The following RPRD1A variants were observed in gnomAD, a reference collection of about 807,000 sequenced individuals.
The protein encoded by RPRD1A is regulation of nuclear pre-mRNA domain containing 1A, also known as regulation of nuclear pre-mRNA domain-containing protein 1A.
A neutral mutation model predicts 37.8 loss-of-function variants in RPRD1A; 9 were observed. That is an observed-to-expected ratio of 0.24 (90% confidence interval 0.14 to 0.42). The LOEUF (loss-of-function observed/expected upper bound fraction) is 0.42, where lower values mean the gene tolerates loss of function less well. Among genes scored for constraint, RPRD1A ranks in the 10% least tolerant of loss-of-function variants. The probability of loss-of-function intolerance (pLI) is 1.00; values close to 1 mark genes in which losing one functional copy is unlikely to be tolerated. For synonymous variants in RPRD1A, 138 were observed against 139.7 expected (o/e 0.99, Z 0.08); for missense variants, 255 against 371.0 (o/e 0.69, Z 2.57).
chr18:36,055,835 T>C (rs1199798073), intron 1 of RPRD1A, among the ~76,000 whole-genome samples: 1 of 152,018 alleles, frequency 6.6e-6, no homozygotes, highest in African/African-American at 2.4e-5. Context: ...AGTATAACAG[T>C]GCAACATGAG....
At chr18:35,998,892 T>C (rs187084908) in intron 6 of RPRD1A, among the ~76,000 whole-genome samples, 69 of 152,322 alleles carry the variant, frequency 4.5e-4, no homozygotes, top group Non-Finnish European at 8.7e-4. Context: ...GAGGTGTGAC[T>C]TGCCTTGTGT....
At chr18:36,044,159 G>C (rs1038588560) in intron 1 of RPRD1A, among the ~76,000 whole-genome samples, 8 of 152,110 alleles carry the variant, frequency 5.3e-5, no homozygotes, top group Admixed American at 1.3e-4. Context: ...AGGGGGAAGA[G>C]GAGCGGTTGG....
rs188735816 is a variant in RPRD1A at position 35,992,825 on chromosome 18, T to C, written c.*326A>G. On this transcript the variant is annotated 3_prime_UTR_variant, in exon 7 of 7. Transcript: ENST00000399022. ...TGCTGAAGAAAATAAAGAAAAACAA[T>C]TGAAAATACCTGAAGAAATACAAAC... 8.4e-5 allele frequency: 16 copies of C among 191,140 alleles called. No individual in the cohort carries two copies. The highest frequency in any genetic ancestry group is 2.7e-4 in the South Asian group (2 of 7,394). The allele number at this position is 191,140 out of a possible 1,614,324, so 11.8% of individuals were successfully genotyped here. A position where few individuals can be genotyped will look rare whatever the true frequency, so the allele number is the denominator to read the frequency against.
At chr18:36,015,088 CT>C (rs1246825509) in intron 6 of RPRD1A, among the ~76,000 whole-genome samples, 1 of 150,868 alleles carries the variant, frequency 6.6e-6, no homozygotes, top group Non-Finnish European at 1.5e-5. Context: ...GCAATTCAAC[CT>C]CTCAGTAAAT....
chr18:36,032,865 A>C (rs1911898395), intron 2 of RPRD1A, among the ~76,000 whole-genome samples: 1 of 152,192 alleles, frequency 6.6e-6, no homozygotes, highest in East Asian at 1.9e-4. Flanking sequence ...TTTGAGACGC[A>C]TACAAGTAAA....
chr18:36,011,611 A>G (rs975028444), intron 6 of RPRD1A, among the ~76,000 whole-genome samples: 4 of 152,166 alleles, frequency 2.6e-5, no homozygotes, highest in African/African-American at 4.8e-5. Context: ...AACTAATTAT[A>G]TAAGAACCTG....
At chr18:36,025,739 G>T in intron 6 of RPRD1A, 1 of 832,974 alleles carries the variant, frequency 1.2e-6, no homozygotes, top group Non-Finnish European at 1.7e-6. Flanking sequence ...GACAAAAATT[G>T]TATGACATTA....
Position 36,067,540 on chromosome 18 carries a change from C to A in RPRD1A, c.-136G>T, listed in dbSNP as rs763076034. Reference sequence around the variant, plus strand: ...CCACGGCCGCCGCTTCATCCAAGACCGGCCGCAAACCAGCAAGATGGCGTC... The same window carrying A: ...CCACGGCCGCCGCTTCATCCAAGACAGGCCGCAAACCAGCAAGATGGCGTC... On this transcript the variant is annotated 5_prime_UTR_variant, in exon 1 of 7. Coordinates refer to ENST00000399022, the MANE Select transcript of RPRD1A (RefSeq NM_018170.5). 2.3e-6 allele frequency: 2 copies of A among 854,206 alleles called. No individual in the cohort carries two copies. The highest frequency in any genetic ancestry group is 1.8e-5 in the African/African-American group (1 of 56,794). The allele number at this position is 854,206 out of a possible 1,614,324, so 52.9% of individuals were successfully genotyped here.
At chr18:36,043,196 CG>C (rs34464375) in intron 1 of RPRD1A, among the ~76,000 whole-genome samples, 11,850 of 65,394 alleles carry the variant, frequency 0.18, 840 homozygotes, top group Middle Eastern at 0.28. Flanking sequence ...CAAGAAGAAT[CG>C]GGGGGGGGGG....
rs544545769 is a variant in RPRD1A, at chr18:36,037,381, CT to C, written c.152-3545del. Among the ~76,000 whole-genome samples the C allele has an allele frequency of 1.9e-3, 293 of 152,312 alleles. 2 individuals are homozygous for C. Among genetic ancestry groups the C allele is most frequent in the South Asian group, 0.012 (57 of 4,820 alleles). Reference sequence around the variant, plus strand: ...GAGCTTTCCCCCACTTCACTCTGTACTTCTTCCTGCCACCATGTGAATAAGG... The same window carrying C: ...GAGCTTTCCCCCACTTCACTCTGTACTCTTCCTGCCACCATGTGAATAAGG... On this transcript the variant is annotated intron_variant, in intron 1 of 6. Coordinates refer to ENST00000399022, the MANE Select transcript of RPRD1A (RefSeq NM_018170.5).
intron 1 of RPRD1A, among the ~76,000 whole-genome samples, chr18:36,039,643 T>C (rs1912441929): frequency 6.6e-6 from 1 of 152,246 alleles, no homozygotes; most frequent in Non-Finnish European, 1.5e-5. Context: ...ACATACCATA[T>C]GTATACTCAT....
chr18:36,042,319 A>G (rs939203177), intron 1 of RPRD1A, among the ~76,000 whole-genome samples: 2 of 152,220 alleles, frequency 1.3e-5, no homozygotes, highest in African/African-American at 4.8e-5. Flanking sequence ...TTCACAACTA[A>G]ACTAAGTTCC....
chr18:35,997,930 A>G (rs1411357176), intron 6 of RPRD1A, among the ~76,000 whole-genome samples: 1 of 152,150 alleles, frequency 6.6e-6, no homozygotes, highest in Non-Finnish European at 1.5e-5. Context: ...AACGTTCTTT[A>G]CCATGACTCC....
intron 6 of RPRD1A, among the ~76,000 whole-genome samples, chr18:36,008,719 G>C (rs1452492567): frequency 2.0e-5 from 3 of 150,908 alleles, no homozygotes; most frequent in Admixed American, 1.3e-4. Context: ...TATATATTTA[G>C]GAATGCATTA....
In RPRD1A at chr18:36,002,753, C is replaced by G. The variant is rs151099728; in HGVS notation, c.790-9453G>C. 4.6e-5 allele frequency among the ~76,000 whole-genome samples: 7 copies of G among 152,294 alleles called. No individual in the cohort carries two copies. The East Asian group carries it at 1.2e-3, about 25-fold the overall frequency. On this transcript the variant is annotated intron_variant, in intron 6 of 6. Coordinates refer to ENST00000399022, the MANE Select transcript of RPRD1A (RefSeq NM_018170.5). ...CTTGCTTTCTCTCTTCAGGCTGTTT[C>G]TTGACTTTTAGCAGGCCTTGTAATT...
At chr18:36,000,811 G>A (rs939321489) in intron 6 of RPRD1A, among the ~76,000 whole-genome samples, 1 of 152,128 alleles carries the variant, frequency 6.6e-6, no homozygotes, top group Admixed American at 6.5e-5. Flanking sequence ...GCAAAAGGGG[G>A]CTCCAACTTA....
At position 36,025,564 on chromosome 18, in the gene RPRD1A, C is replaced by T. The variant is rs554774833; in HGVS notation, c.789+1336G>A. On this transcript the variant is annotated intron_variant, in intron 6 of 6. Transcript: ENST00000399022. ...AAGCAGAATAAAGTTACAGTCTTCT[C>T]TTCAATTTTCAAAAACATGAGACAA... is the stretch of plus-strand genomic sequence containing the variant. The T allele has an allele frequency of 1.4e-3, 1,531 of 1,090,612 alleles. 1 individual carries two copies. The highest frequency in any genetic ancestry group is 1.8e-3 in the Non-Finnish European group (1,459 of 820,954). The allele number at this position is 1,090,612 out of a possible 1,614,324, so 67.6% of individuals were successfully genotyped here.
chr18:36,058,196 C>T (rs1306886315), intron 1 of RPRD1A, among the ~76,000 whole-genome samples: 1 of 152,126 alleles, frequency 6.6e-6, no homozygotes, highest in Non-Finnish European at 1.5e-5. Flanking sequence ...TCATGCACCA[C>T]CACACCCTGT....
chr18:36,066,098 G>A (rs1448358420), intron 1 of RPRD1A, among the ~76,000 whole-genome samples: 1 of 152,026 alleles, frequency 6.6e-6, no homozygotes, highest in East Asian at 1.9e-4. Context: ...AAACCTTTCC[G>A]TCCACTCACA....
Sources: allele counts gnomAD v4.1 joint callset (sites outside exome capture counted in the v4.1 genomes callset), GRCh38; gene constraint gnomAD v4.1.1; transcripts MANE v1.5; gene names NCBI Gene and HGNC (gene_info 2026-07-23, HGNC 2026-07-21).